Variants in TUBA1C observed in about 807,000 individuals in gnomAD.
TUBA1C encodes the protein tubulin alpha-1C chain.
A neutral mutation model predicts 34.9 loss-of-function variants in TUBA1C; 16 were observed. That is an observed-to-expected ratio of 0.46 (90% CI 0.31 to 0.70). The LOEUF (loss-of-function observed/expected upper bound fraction) is 0.70, where lower values mean the gene tolerates loss of function less well. TUBA1C is among the 30% of genes least tolerant of loss of function. TUBA1C has a pLI of 0.05. For synonymous variants in TUBA1C, 177 were observed against 215.9 expected (o/e 0.82, Z 1.58); for missense variants, 329 against 587.3 (o/e 0.56, Z 4.55).
intron 1 of TUBA1C, among the ~76,000 whole-genome samples, chr12:49,266,434 CAAA>C (rs934400855): frequency 1.3e-5 from 2 of 150,174 alleles, no homozygotes; most frequent in Admixed American, 6.6e-5. Flanking sequence ...CGTCCAAAAA[CAAA>C]AAAAAACCCG....
At chr12:49,263,484 A>G (rs1250060221), upstream of TUBA1C, among the ~76,000 whole-genome samples, 3 of 151,970 alleles carry the variant, frequency 2.0e-5, 1 homozygote, top group East Asian at 3.9e-4. Flanking sequence ...CTCTACTAAG[A>G]CTAAAATCTC....
intron 1 of TUBA1C, among the ~76,000 whole-genome samples, chr12:49,253,266 A>G (rs758645192): frequency 3.4e-4 from 52 of 152,124 alleles, no homozygotes; most frequent in Non-Finnish European, 1.6e-4. Flanking sequence ...GTTAGATTTA[A>G]TCAGGTTATT....
chr12:49,272,402 C>T lies in TUBA1C; in HGVS notation c.525C>T (p.Pro175=), dbSNP rs1350339024. The T allele has an allele frequency of 1.9e-6, 3 of 1,613,946 alleles. No homozygotes were observed. The highest frequency in any genetic ancestry group is 2.5e-6 in the Non-Finnish European group (3 of 1,179,996). ...TGGAGTTCTCCATTTACCCGGCGCC[C>T]CAGGTTTCCACAGCTGTAGTTGAGC... ...SKLEFSIYPA[P]QVSTAVVEPY... is the part of the protein sequence containing the mutation. Residue 175 remains proline, a synonymous_variant, in exon 4 of 4, where the codon CCC becomes CCT. Coordinates refer to ENST00000301072, the MANE Select transcript of TUBA1C (RefSeq NM_032704.5).
intron 1 of TUBA1C, among the ~76,000 whole-genome samples, chr12:49,257,189 A>G (rs1419508928): frequency 1.3e-5 from 2 of 151,262 alleles, no homozygotes; most frequent in African/African-American, 4.9e-5. Flanking sequence ...TTAGAAATGA[A>G]GGCCTTAAAG....
Position 49,273,384 on chromosome 12 carries a change from C to A in TUBA1C, c.*157C>A. On this transcript the variant is annotated 3_prime_UTR_variant, in exon 4 of 4. Transcript: ENST00000301072. ...TCCAGTTAAAGTTGGATGTATGAGG[C>A]TGGTAGATGAAACCACCTGAGTCGA... 1 of 1,398,156 alleles carries A rather than the reference C, an allele frequency of 7.2e-7. No homozygotes were observed. Among genetic ancestry groups the A allele is most frequent in the South Asian group, 1.3e-5 (1 of 78,100 alleles). 86.6% of individuals were successfully genotyped at this position (1,398,156 alleles called of 1,614,324 possible).
rs201854507 is a variant in TUBA1C at position 49,241,991 on chromosome 12, CT to C, written c.213+13840del. 7.6e-3 allele frequency among the ~76,000 whole-genome samples: 996 copies of C among 131,690 alleles called. 3 individuals carry two copies. The highest frequency in any genetic ancestry group is 0.024 in the Middle Eastern group (5 of 212). 86.4% of individuals were successfully genotyped at this position (131,690 alleles called of 152,430 possible). ...TCAAAACTTAGAGCCTTCTTTCTTT[CT>C]TTTTTTTTTTTTTTGAGACAGAATT... On this transcript the variant is annotated intron_variant, in intron 1 of 3. Coordinates refer to the TUBA1C transcript ENST00000541364.
At chr12:49,228,029 A>G (rs142931565) in exon 1 of TUBA1C, 16,392 of 1,535,698 alleles carry the variant, frequency 0.011, 107 homozygotes, top group Non-Finnish European at 0.012. Context: ...AGATCCTTCA[A>G]ATGGATCCTT....
chr12:49,241,042 T>G (rs1466867420), intron 1 of TUBA1C, among the ~76,000 whole-genome samples: 1 of 151,892 alleles, frequency 6.6e-6, no homozygotes, highest in African/African-American at 2.4e-5. Flanking sequence ...GCTAGGACTA[T>G]AGGAGTGCAC....
chr12:49,267,088 C>A (rs1373583145), intron 1 of TUBA1C, among the ~76,000 whole-genome samples: 7 of 152,166 alleles, frequency 4.6e-5, no homozygotes, highest in Non-Finnish European at 1.5e-5. Flanking sequence ...CAATTGACTC[C>A]ACCTGTGCCT....
chr12:49,228,694 G>A (rs1238246681), intron 1 of TUBA1C, among the ~76,000 whole-genome samples: 1 of 152,188 alleles, frequency 6.6e-6, no homozygotes, highest in African/African-American at 2.4e-5. Context: ...TTTAGTGTGG[G>A]ATACTCAGAC....
rs1285362688 is a variant in TUBA1C at position 49,272,665 on chromosome 12, C to T, written c.788C>T (p.Pro263Leu). 3.1e-6 allele frequency: 5 copies of T among 1,610,684 alleles called. No individual in the cohort carries two copies. Among genetic ancestry groups the T allele is most frequent in the Middle Eastern group, 1.8e-4 (1 of 5,480 alleles). Reference sequence around the variant, plus strand: ...TTCCAGACCAACCTGGTGCCCTACCCCCGCATCCACTTCCCTCTGGCCACA... The same window carrying T: ...TTCCAGACCAACCTGGTGCCCTACCTCCGCATCCACTTCCCTCTGGCCACA... ...TEFQTNLVPY[P>L]RIHFPLATYA... is the part of the protein sequence containing the mutation. The change falls in exon 4 of 4, where the codon CCC becomes CTC. Residue 263 changes from proline (P) to leucine (L), a missense_variant. By Grantham distance (98) the Pro-to-Leu change is moderately conservative. Around this residue, in one of 4 missense-constraint regions of TUBA1C, gnomAD observed 140 missense variants for 289.8 expected, o/e 0.48. Coordinates refer to ENST00000301072, the MANE Select transcript of TUBA1C (RefSeq NM_032704.5).
intron 1 of TUBA1C, among the ~76,000 whole-genome samples, chr12:49,235,361 G>C (rs117009711): frequency 6.6e-6 from 1 of 152,100 alleles, no homozygotes; most frequent in African/African-American, 2.4e-5. Flanking sequence ...GCGCCGCGCC[G>C]CTGCAAGGCC....
In TUBA1C at chr12:49,272,654, G is replaced by A. The variant is rs1195829641; in HGVS notation, c.777G>A (p.Leu259=). The change falls in exon 4 of 4, where the codon CTG becomes CTA. Residue 259 remains leucine (L), a synonymous_variant. Transcript: ENST00000301072. The stretch of plus-strand genomic sequence containing the variant: ...ACCTGACAGAATTCCAGACCAACCT[G>A]GTGCCCTACCCCCGCATCCACTTCC... ...NVDLTEFQTN[L]VPYPRIHFPL... 7.5e-6 allele frequency: 12 copies of A among 1,610,166 alleles called. No homozygotes were observed. The highest frequency in any genetic ancestry group is 9.3e-6 in the Non-Finnish European group (11 of 1,178,858).
At position 49,254,948 on chromosome 12, in the gene TUBA1C, T is replaced by A. The variant is rs150374621; in HGVS notation, c.214-14517T>A. Among the ~76,000 whole-genome samples, 525 of 150,828 alleles carry A rather than the reference T, an allele frequency of 3.5e-3. 3 individuals are homozygous for A. Among genetic ancestry groups the A allele is most frequent in the South Asian group, 7.6e-3 (36 of 4,766 alleles). On this transcript the variant is annotated intron_variant, in intron 1 of 3. Coordinates refer to the TUBA1C transcript ENST00000541364. Reference sequence around the variant, plus strand: ...TGGTGCAGAGGCAAAACACATATATTTTTTTTTTATTTTTTAAGTAGAAAC... The same window carrying A: ...TGGTGCAGAGGCAAAACACATATATATTTTTTTTATTTTTTAAGTAGAAAC...
chr12:49,261,083 T>G (rs1167009109), upstream of TUBA1C, among the ~76,000 whole-genome samples: 6 of 152,112 alleles, frequency 3.9e-5, no homozygotes, highest in East Asian at 1.2e-3. Flanking sequence ...GCGCAGGGGC[T>G]CATGCCTGTA....
intron 1 of TUBA1C, 112 bp downstream of exon 1, chr12:49,265,296 G>A (rs993687696): frequency 3.8e-6 from 3 of 786,396 alleles, no homozygotes; most frequent in Non-Finnish European, 3.7e-6. Flanking sequence ...AGACTACCCC[G>A]GGCCCCTCCG....
upstream of TUBA1C, chr12:49,264,958 GC>G (rs1592285132): frequency 3.8e-6 from 2 of 522,378 alleles, no homozygotes; most frequent in East Asian, 7.2e-5. Context: ...CGCGGGTGCG[GC>G]CGGGCGCAGG....
intron 1 of TUBA1C, among the ~76,000 whole-genome samples, chr12:49,244,787 T>G (rs930758180): frequency 6.6e-6 from 1 of 152,002 alleles, no homozygotes; most frequent in African/African-American, 2.4e-5. Context: ...GGATGGAAAA[T>G]GAGATTGAAG....
At chr12:49,272,207 A>G in intron 3 of TUBA1C, 46 bp from the exon 4 acceptor site, 1 of 1,556,490 alleles carries the variant, frequency 6.4e-7, no homozygotes, top group African/African-American at 1.4e-5. Flanking sequence ...TGTGAACACT[A>G]AATGAAACTT....
Sources: allele counts gnomAD v4.1 joint callset (sites outside exome capture counted in the v4.1 genomes callset), GRCh38; gene constraint gnomAD v4.1.1; regional missense constraint gnomAD v4.1.1; transcripts MANE v1.5; gene names NCBI Gene and HGNC (gene_info 2026-07-23, HGNC 2026-07-21).